The following KLHL28 variants were observed in gnomAD, a reference collection of about 807,000 sequenced individuals.
KLHL28 encodes kelch like family member 28, also known as kelch-like protein 28.
A neutral mutation model predicts 48.3 loss-of-function variants in KLHL28; 22 were observed. That is an observed-to-expected ratio of 0.46 (90% CI 0.33 to 0.65). The LOEUF is 0.65. Among genes scored for constraint, KLHL28 ranks in the 30% least tolerant of loss-of-function variants. KLHL28 has a pLI of 0.03. For missense variants in KLHL28, 527 were observed against 704.3 expected, an observed-to-expected ratio of 0.75 and a Z score of 2.85; for synonymous variants, 243 against 242.4, an observed-to-expected ratio of 1.00 and a Z score of -0.02.
chr14:44,933,338 T>C (rs1883667644), intron 3 of KLHL28, among the ~76,000 whole-genome samples: 1 of 149,308 alleles, frequency 6.7e-6, no homozygotes, highest in Non-Finnish European at 1.5e-5. Flanking sequence ...TGAGACAGGG[T>C]CTCACTCTGT....
chr14:44,929,444 CCACAT>C (rs1335097294), intron 4 of KLHL28, among the ~76,000 whole-genome samples: 1 of 152,124 alleles, frequency 6.6e-6, no homozygotes, highest in Non-Finnish European at 1.5e-5. Context: ...GAGACCACAT[CCACAT>C]AACTTTTATT....
rs945421796 is a variant in KLHL28, at chr14:44,950,411, G to A, written c.1-4483C>T. 4.6e-5 allele frequency among the ~76,000 whole-genome samples: 7 copies of A among 152,122 alleles called. No individual in the cohort carries two copies. In the East Asian group the frequency reaches 1.4e-3, roughly 29 times the overall value. On this transcript the variant is annotated intron_variant, in intron 1 of 4. Transcript: ENST00000396128. The stretch of plus-strand genomic sequence containing the variant: ...CTAGATTCATTTTTAATATAATTAG[G>A]AATCACATAGTGATAGATCCTATAT...
rs866035479 is a variant in KLHL28, at chr14:44,939,767, C to A, written c.900-5209G>T. ...AAAAGTTCCAGAATTTCCCTATGGC[C>A]TCTTCTTCTGAGCCCTCACCAGAAT... On this transcript the variant is annotated intron_variant, in intron 2 of 4. Coordinates refer to ENST00000396128, the MANE Select transcript of KLHL28 (RefSeq NM_017658.5). Among the ~76,000 whole-genome samples the A allele has an allele frequency of 1.2e-4, 13 of 112,582 alleles. No individual in the cohort carries two copies. The South Asian group carries it at 3.0e-3, about 26-fold the overall frequency. The allele number at this position is 112,582 out of a possible 152,430, so 73.9% of individuals were successfully genotyped here.
At chr14:44,939,344 T>C (rs934005830) in intron 2 of KLHL28, among the ~76,000 whole-genome samples, 3 of 152,222 alleles carry the variant, frequency 2.0e-5, no homozygotes, top group Admixed American at 2.0e-4. Context: ...TGACTAGCAC[T>C]TGGCTCCCCT....
At chr14:44,954,724 T>C (rs929269672) in intron 1 of KLHL28, among the ~76,000 whole-genome samples, 4 of 152,214 alleles carry the variant, frequency 2.6e-5, no homozygotes, top group Non-Finnish European at 5.9e-5. Context: ...AGGATAGAGA[T>C]AGAAGGTAGA....
At position 44,925,385 on chromosome 14, in the gene KLHL28, CAT is replaced by C. The variant is rs1257409551; in HGVS notation, c.*3641_*3642del. On this transcript the variant is annotated 3_prime_UTR_variant, in exon 5 of 5. Coordinates refer to ENST00000396128, the MANE Select transcript of KLHL28 (RefSeq NM_017658.5). Reference sequence around the variant, plus strand: ...TCTATAGTTTTCTTACTAGAAAATACATTATCCAATTCTAGGAGATTTGGAGT... The same window carrying C: ...TCTATAGTTTTCTTACTAGAAAATACTATCCAATTCTAGGAGATTTGGAGT... 1 of 152,040 alleles carries C rather than the reference CAT, an allele frequency of 6.6e-6. No individual in the cohort carries two copies. Among genetic ancestry groups the C allele is most frequent in the Non-Finnish European group, 1.5e-5 (1 of 67,946 alleles). The allele number at this position is 152,040 out of a possible 1,614,324, so 9.4% of individuals were successfully genotyped here.
At chr14:44,953,916 T>C (rs73346327) in intron 1 of KLHL28, among the ~76,000 whole-genome samples, 2 of 152,140 alleles carry the variant, frequency 1.3e-5, no homozygotes, top group Non-Finnish European at 2.9e-5. Context: ...AAAATATAAA[T>C]GAGACTGAGA....
Position 44,945,558 on chromosome 14 carries a change from C to T in KLHL28, c.371G>A (p.Cys124Tyr). ...AAGTTGGCTTTCAAGAAATGCACAA[C>T]ATTCTTTCAGGACAAGTTTTATCTG... The part of the protein sequence containing the change: ...LLQIKLVLKE[C>Y]CAFLESQLDP... The change falls in exon 2 of 5, where the codon TGT becomes TAT. Residue 124 changes from cysteine to tyrosine, a missense_variant. Transcript: ENST00000396128. 2 of 1,614,196 alleles carry T rather than the reference C, an allele frequency of 1.2e-6. No individual in the cohort carries two copies. Among genetic ancestry groups the T allele is most frequent in the Non-Finnish European group, 1.7e-6 (2 of 1,180,038 alleles).
chr14:44,934,146 T>G lies in KLHL28; in HGVS notation c.1312A>C (p.Ile438Leu). The G allele has an allele frequency of 6.2e-7, 1 of 1,613,998 alleles. No homozygotes were observed. The highest frequency in any genetic ancestry group is 8.5e-7 in the Non-Finnish European group (1 of 1,179,900). Reference protein sequence around the residue: ...AAVLDGMIYAIGGYGPAHMNS... With the variant: ...AAVLDGMIYALGGYGPAHMNS... ...ATGTGGGCAGGACCATACCCACCAATGGCATATATCATTCCATCCAATACC... is the reference window on the plus strand; with the variant it reads ...ATGTGGGCAGGACCATACCCACCAAGGGCATATATCATTCCATCCAATACC... The change falls in exon 3 of 5, where the codon ATT becomes CTT. Residue 438 changes from isoleucine (I) to leucine (L), a missense_variant. Ile to Leu is a conservative substitution (Grantham distance 5). Transcript: ENST00000396128.
chr14:44,945,810 C>A lies in KLHL28; in HGVS notation c.119G>T (p.Arg40Leu). The A allele has an allele frequency of 6.2e-7, 1 of 1,614,124 alleles. No homozygotes were observed. Among genetic ancestry groups the A allele is most frequent in the Non-Finnish European group, 8.5e-7 (1 of 1,180,012 alleles). The change falls in exon 2 of 5, where the codon CGA becomes CTA. Residue 40 changes from arginine to leucine, a missense_variant. Coordinates refer to ENST00000396128, the MANE Select transcript of KLHL28 (RefSeq NM_017658.5). ...QHHELCDIIL[R>L]VGDVKIHAHK... Reference sequence around the variant, plus strand: ...AGCATGAATTTTAACATCACCTACTCGAAGAATGATGTCACAGAGTTCGTG... The same window carrying A: ...AGCATGAATTTTAACATCACCTACTAGAAGAATGATGTCACAGAGTTCGTG...
chr14:44,934,470 C>T lies in KLHL28; in HGVS notation c.988G>A (p.Asp330Asn). The part of the protein sequence containing the change: ...PRYEFGICVL[D>N]QKVYVIGGIA... ...CCACCTATAACATATACTTTTTGGTCTAAAACGCATATTCCAAATTCATAG... is the reference window on the plus strand; with the variant it reads ...CCACCTATAACATATACTTTTTGGTTTAAAACGCATATTCCAAATTCATAG... The change falls in exon 3 of 5, where the codon GAC (aspartate) becomes AAC (asparagine). Residue 330 changes from aspartate (D) to asparagine (N), a missense_variant. Transcript: ENST00000396128. 6.2e-7 allele frequency: 1 copy of T among 1,613,970 alleles called. No homozygotes were observed. Among genetic ancestry groups the T allele is most frequent in the Non-Finnish European group, 8.5e-7 (1 of 1,179,958 alleles).
At position 44,927,264 on chromosome 14, in the gene KLHL28, T is replaced by A. The variant is rs981628285; in HGVS notation, c.*1764A>T. ...TGTAGTATATATTCAAATCTACAACTGGCAGTTTATGGAAGAACAAAGAAC... is the reference window on the plus strand; with the variant it reads ...TGTAGTATATATTCAAATCTACAACAGGCAGTTTATGGAAGAACAAAGAAC... On this transcript the variant is annotated 3_prime_UTR_variant, in exon 5 of 5. Transcript: ENST00000396128. 1.3e-5 allele frequency: 2 copies of A among 152,646 alleles called. No homozygotes were observed. The highest frequency in any genetic ancestry group is 4.8e-5 in the African/African-American group (2 of 41,454). The allele number at this position is 152,646 out of a possible 1,614,324, so 9.5% of individuals were successfully genotyped here.
chr14:44,927,550 C>T lies in KLHL28; in HGVS notation c.*1478G>A, dbSNP rs918665740. On this transcript the variant is annotated 3_prime_UTR_variant, in exon 5 of 5. Coordinates refer to ENST00000396128, the MANE Select transcript of KLHL28 (RefSeq NM_017658.5). Reference sequence around the variant, plus strand: ...CAAGTACCGACATAATAATAAAATGCAAGTGAATGTGTTTAAGACTAACAG... The same window carrying T: ...CAAGTACCGACATAATAATAAAATGTAAGTGAATGTGTTTAAGACTAACAG... 2.0e-5 allele frequency: 3 copies of T among 152,304 alleles called. No homozygotes were observed. The highest frequency in any genetic ancestry group is 7.2e-5 in the African/African-American group (3 of 41,422). The allele number at this position is 152,304 out of a possible 1,614,324, so 9.4% of individuals were successfully genotyped here. A position where few individuals can be genotyped will look rare whatever the true frequency, so the allele number is the denominator to read the frequency against.
chr14:44,944,708 T>C (rs577689605), intron 2 of KLHL28, among the ~76,000 whole-genome samples: 2 of 152,236 alleles, frequency 1.3e-5, no homozygotes, highest in African/African-American at 4.8e-5. Flanking sequence ...TCTTCTGATG[T>C]GGTCTGACTC....
intron 1 of KLHL28, among the ~76,000 whole-genome samples, chr14:44,949,429 C>T (rs554930952): frequency 3.9e-5 from 6 of 151,930 alleles, no homozygotes; most frequent in Non-Finnish European, 8.8e-5. Flanking sequence ...TTTTATAATG[C>T]CCTTCATGAT....
intron 1 of KLHL28, among the ~76,000 whole-genome samples, chr14:44,952,846 A>T (rs540719288): frequency 6.6e-6 from 1 of 152,246 alleles, no homozygotes; most frequent in East Asian, 1.9e-4. Context: ...ACAGTTTTAC[A>T]CTGGCAGTTT....
intron 2 of KLHL28, among the ~76,000 whole-genome samples, chr14:44,938,633 G>A (rs1883935904): frequency 6.6e-6 from 1 of 152,206 alleles, no homozygotes; most frequent in Non-Finnish European, 1.5e-5. Flanking sequence ...GCCTCCCAAA[G>A]TGCTGAGATT....
intron 1 of KLHL28, among the ~76,000 whole-genome samples, chr14:44,947,010 T>G (rs1166045398): frequency 6.6e-6 from 1 of 152,178 alleles, no homozygotes; most frequent in African/African-American, 2.4e-5. Context: ...GGCAGAATAA[T>G]GGCTCCCCAA....
intron 1 of KLHL28, among the ~76,000 whole-genome samples, chr14:44,951,781 C>A (rs1359922850): frequency 6.6e-6 from 1 of 152,184 alleles, no homozygotes; most frequent in African/African-American, 2.4e-5. Context: ...GCAACTTCAA[C>A]AAGGCAAGGT....
Sources: gnomAD v4.1 joint callset for allele counts (sites outside exome capture counted in the v4.1 genomes callset) on GRCh38, gnomAD v4.1.1 for gene constraint, MANE v1.5 for transcripts, NCBI Gene and HGNC (gene_info 2026-07-23, HGNC 2026-07-21) for gene names.